The following WDPCP variants were observed in gnomAD, a reference collection of about 807,000 sequenced individuals.
The protein encoded by WDPCP is WD repeat-containing and planar cell polarity effector protein fritz homolog.
A neutral mutation model predicts 93.1 loss-of-function variants in WDPCP; 71 were observed. The observed-to-expected ratio is 0.76, with a 90% CI of 0.63 to 0.93. The LOEUF is 0.93. WDPCP is among the 40% of genes least tolerant of loss of function. The pLI is 0.00. For missense variants in WDPCP, 844 were observed against 887.4 expected, an observed-to-expected ratio of 0.95 and a Z score of 0.62; for synonymous variants, 315 against 315.0, an observed-to-expected ratio of 1.00 and a Z score of 0.00.
intron 3 of WDPCP, among the ~76,000 whole-genome samples, chr2:63,624,425 G>C (rs191855770): frequency 7.4e-4 from 112 of 152,030 alleles, no homozygotes; most frequent in African/African-American, 2.5e-3. Context: ...AAAATAGATA[G>C]ACCTCTAGCC....
intron 9 of WDPCP, among the ~76,000 whole-genome samples, chr2:63,407,443 G>C (rs1352698475): frequency 6.6e-6 from 1 of 152,160 alleles, no homozygotes; most frequent in African/African-American, 2.4e-5. Flanking sequence ...GGAGGGACAT[G>C]ATCTGCTTTG....
At chr2:63,369,521 A>C (rs181545996) in intron 12 of WDPCP, 4 of 456,590 alleles carry the variant, frequency 8.8e-6, no homozygotes, top group Admixed American at 2.4e-5. Flanking sequence ...AGAGTAATAA[A>C]CAATTCCAAA....
chr2:63,530,902 A>C (rs1005824173), intron 1 of WDPCP, among the ~76,000 whole-genome samples: 28 of 152,302 alleles, frequency 1.8e-4, no homozygotes, highest in African/African-American at 6.7e-4. Flanking sequence ...TGCCTCATCC[A>C]GGAAGTGCAA....
chr2:63,437,461 A>C lies in WDPCP; in HGVS notation c.593T>G (p.Val198Gly). 1 of 1,602,070 alleles carries C rather than the reference A, an allele frequency of 6.2e-7. No individual in the cohort carries two copies. The highest frequency in any genetic ancestry group is 2.2e-5 in the East Asian group (1 of 44,562). ...TGAGAGTTTTTCCAGTCTTTTGTTT[A>C]CATCAGAAGACTCCATCTTCTTGGT... ...QFTKKMESSD[V>G]NKRLEKLSAL... The change falls in exon 8 of 18, where the codon GTA (valine) becomes GGA (glycine). Residue 198 changes from valine to glycine, a missense_variant. Coordinates refer to ENST00000272321, the MANE Select transcript of WDPCP (RefSeq NM_015910.7).
At chr2:63,751,353 G>C (rs546219664) in intron 2 of WDPCP, among the ~76,000 whole-genome samples, 6 of 151,330 alleles carry the variant, frequency 4.0e-5, no homozygotes, top group Non-Finnish European at 7.4e-5. Context: ...TTTTTTTAAA[G>C]ACACATTTAT....
chr2:63,713,310 C>T (rs1055982756), intron 2 of WDPCP, among the ~76,000 whole-genome samples: 5 of 152,168 alleles, frequency 3.3e-5, no homozygotes, highest in African/African-American at 9.7e-5. Flanking sequence ...GCTGTACCTC[C>T]CTTACCAAGA....
chr2:63,563,069 A>G (rs1253060873), intron 1 of WDPCP, among the ~76,000 whole-genome samples: 2 of 152,192 alleles, frequency 1.3e-5, no homozygotes, highest in African/African-American at 4.8e-5. Context: ...ACATACATAC[A>G]TACATACATA....
intron 2 of WDPCP, among the ~76,000 whole-genome samples, chr2:63,670,866 A>G (rs527640985): frequency 6.6e-6 from 1 of 152,278 alleles, no homozygotes; most frequent in East Asian, 1.9e-4. Flanking sequence ...AGGCACAAGT[A>G]TGAAATGAAA....
chr2:63,698,007 G>A (rs1000474782), intron 2 of WDPCP, among the ~76,000 whole-genome samples: 3 of 151,712 alleles, frequency 2.0e-5, no homozygotes, highest in Non-Finnish European at 4.4e-5. Flanking sequence ...CCAGGCTGGA[G>A]TGCAGTGGCG....
intron 15 of WDPCP, among the ~76,000 whole-genome samples, chr2:63,162,525 A>C (rs1413719565): frequency 6.6e-6 from 1 of 152,182 alleles, no homozygotes; most frequent in Non-Finnish European, 1.5e-5. Flanking sequence ...CTGATAAACT[A>C]ATATTTCATA....
chr2:63,456,998 A>C (rs913014974), intron 6 of WDPCP, among the ~76,000 whole-genome samples: 3 of 152,206 alleles, frequency 2.0e-5, no homozygotes, highest in African/African-American at 7.2e-5. Flanking sequence ...ACTGCACTCC[A>C]GCCTGGGTGA....
chr2:63,554,382 T>C (rs1444854139), intron 1 of WDPCP, among the ~76,000 whole-genome samples: 2 of 152,184 alleles, frequency 1.3e-5, no homozygotes, highest in East Asian at 3.8e-4. Flanking sequence ...ACTTGGTAAA[T>C]TGGTGTCTAC....
chr2:63,381,869 T>C (rs1479553990), intron 11 of WDPCP, 37 bp downstream of exon 11: 1 of 1,607,434 alleles, frequency 6.2e-7, no homozygotes, highest in Non-Finnish European at 8.5e-7. Flanking sequence ...TTCATGTATA[T>C]ACAAAACTCA....
chr2:63,530,820 G>A (rs1416784536), intron 1 of WDPCP, among the ~76,000 whole-genome samples: 1 of 152,176 alleles, frequency 6.6e-6, no homozygotes, highest in Non-Finnish European at 1.5e-5. Context: ...CTGAGGTACC[G>A]TGTTCATCTC....
chr2:63,442,969 T>C (rs1043964193), intron 6 of WDPCP: 4 of 152,134 alleles, frequency 2.6e-5, no homozygotes, highest in African/African-American at 9.7e-5. Context: ...GCCAAAAGCA[T>C]GCATACACTG....
chr2:63,174,575 C>T (rs1423892294), intron 15 of WDPCP, 95 bp downstream of exon 15: 10 of 1,549,160 alleles, frequency 6.5e-6, no homozygotes, highest in Non-Finnish European at 8.0e-6. Context: ...TTCTCCTTGA[C>T]ATTTTGAAAT....
chr2:63,199,789 C>T (rs1356766603), intron 14 of WDPCP, among the ~76,000 whole-genome samples: 59 of 152,316 alleles, frequency 3.9e-4, no homozygotes, highest in Non-Finnish European at 1.5e-5. Flanking sequence ...CCTAGTGGAG[C>T]TGTGAGAAGT....
At position 63,437,517 on chromosome 2, in the gene WDPCP, C is replaced by CA; in HGVS notation, c.536dup (p.Leu179PhefsTer19). 6.3e-7 allele frequency: 1 copy of CA among 1,592,744 alleles called. No individual in the cohort carries two copies. Among genetic ancestry groups the CA allele is most frequent in the South Asian group, 1.2e-5 (1 of 86,706 alleles). On this transcript the variant is annotated frameshift_variant, in exon 8 of 18. Transcript: ENST00000272321. LOFTEE classifies it high-confidence loss of function. ...GAATAAAACATAGTTTGTTTTGTGC[C>CA]AAAAATGATAAGATGATAAAACTGT...
intron 2 of WDPCP, among the ~76,000 whole-genome samples, chr2:63,704,877 C>T (rs935536864): frequency 1.3e-5 from 2 of 152,094 alleles, no homozygotes; most frequent in African/African-American, 4.8e-5. Context: ...GGAATGGTAC[C>T]AGCTCCTCCT....
Sources: gnomAD v4.1 joint callset for allele counts (sites outside exome capture counted in the v4.1 genomes callset) on GRCh38, gnomAD v4.1.1 for gene constraint, MANE v1.5 for transcripts, NCBI Gene and HGNC (gene_info 2026-07-23, HGNC 2026-07-21) for gene names.